Variants in SH3TC1 observed in about 807,000 individuals in gnomAD.
The protein encoded by SH3TC1 is SH3 domain and tetratricopeptide repeats 1.
A neutral mutation model predicts 117.3 loss-of-function variants in SH3TC1; 135 were observed. The observed-to-expected ratio is 1.15, with a 90% confidence interval of 1.00 to 1.33. The LOEUF is 1.33. SH3TC1 is among the 40% of genes most tolerant of loss of function. The pLI is 0.00. For missense variants in SH3TC1, 2,092 were observed against 1,794.3 expected (o/e 1.17, Z -3.00); for synonymous variants, 898 against 816.9 (o/e 1.10, Z -1.69).
At chr4:8,207,553 C>T (rs1007359128) in intron 2 of SH3TC1, among the ~76,000 whole-genome samples, 23 of 152,188 alleles carry the variant, frequency 1.5e-4, no homozygotes, top group African/African-American at 4.6e-4. Context: ...ATTAGGCAAC[C>T]CTTCTCCATT....
chr4:8,195,896 C>T (rs1322599749), upstream of SH3TC1, among the ~76,000 whole-genome samples: 1 of 152,334 alleles, frequency 6.6e-6, no homozygotes, highest in East Asian at 1.9e-4. Context: ...CAACTCCCCA[C>T]TTCTCCCCAC....
chr4:8,196,013 C>T (rs1244969519), upstream of SH3TC1, among the ~76,000 whole-genome samples: 4 of 152,208 alleles, frequency 2.6e-5, no homozygotes, highest in East Asian at 1.9e-4. The surrounding 1 kb of genome is among the most constrained non-coding windows in gnomAD (Gnocchi z 4.6). Context: ...CCAGGGACGT[C>T]GGTTCTTCCC....
chr4:8,229,930 T>C (rs1252033927), intron 12 of SH3TC1, among the ~76,000 whole-genome samples: 1 of 148,874 alleles, frequency 6.7e-6, no homozygotes, highest in Non-Finnish European at 1.5e-5. Flanking sequence ...CCACCCCGCG[T>C]TGAACAGTCG....
At position 8,183,426 on chromosome 4, in the gene SH3TC1, T is replaced by C. The variant is rs544311009; in HGVS notation, c.-57+1216T>C. ...TGTGATTAACTCACTCCCTGTACAGTAGAGGGAGGCGTGGCCCAGGGAGGC... is the reference window on the plus strand; with the variant it reads ...TGTGATTAACTCACTCCCTGTACAGCAGAGGGAGGCGTGGCCCAGGGAGGC... On this transcript the variant is annotated intron_variant, in intron 1 of 16. Coordinates refer to the SH3TC1 transcript ENST00000508641. This position sits in a 1 kb window ranked among gnomAD's most constrained non-coding sequence, Gnocchi z 5.4. Among the ~76,000 whole-genome samples, 1 of 151,888 alleles carries C rather than the reference T, an allele frequency of 6.6e-6. No individual in the cohort carries two copies. The highest frequency in any genetic ancestry group is 1.9e-4 in the East Asian group (1 of 5,134).
In SH3TC1 at chr4:8,235,593, G is replaced by C. The variant is rs200192489; in HGVS notation, c.3405+38G>C. 5.9e-5 allele frequency: 90 copies of C among 1,530,816 alleles called. No individual in the cohort carries two copies. The East Asian group carries it at 1.1e-3, about 19-fold the overall frequency. The allele number at this position is 1,530,816 out of a possible 1,614,324, so 94.8% of individuals were successfully genotyped here. ...GTGGGCTGATGTGGGTGGGCCCCAG[G>C]GGGGGCACCTTGAGGGCTGAGGCAC... On this transcript the variant is annotated intron_variant, in intron 15 of 17. Coordinates refer to ENST00000245105, the MANE Select transcript of SH3TC1 (RefSeq NM_018986.5).
chr4:8,232,742 C>A, intron 13 of SH3TC1: 28 of 1,289,878 alleles, frequency 2.2e-5, no homozygotes, highest in Non-Finnish European at 2.8e-5. Context: ...ACCCCTTCGA[C>A]TCACCAAGAG....
In SH3TC1 at chr4:8,218,360, A is replaced by G. The variant is rs949253462; in HGVS notation, c.916+13A>G. The stretch of plus-strand genomic sequence containing the variant: ...AACCCGCTGATGGGTAAGTGTTTCC[A>G]TGGGCCTCTCTTTTTTGGGGAAATG... On this transcript the variant is annotated intron_variant, in intron 8 of 17. Transcript: ENST00000245105. 1 of 1,599,262 alleles carries G rather than the reference A, an allele frequency of 6.3e-7. No individual in the cohort carries two copies. The highest frequency in any genetic ancestry group is 1.7e-5 in the Admixed American group (1 of 59,158).
chr4:8,198,737 T>C (rs758222418), upstream of SH3TC1, among the ~76,000 whole-genome samples: 1 of 152,188 alleles, frequency 6.6e-6, no homozygotes, highest in Non-Finnish European at 1.5e-5. Flanking sequence ...TCTCTTCCCC[T>C]AAATGTTCCC....
rs145120083 is a variant in SH3TC1, at chr4:8,228,322, G to A, written c.2628G>A (p.Thr876=). 4.4e-4 allele frequency: 704 copies of A among 1,612,036 alleles called. 6 individuals carry two copies. The African/African-American group carries it at 6.9e-3, about 16-fold the overall frequency. Reference sequence around the variant, plus strand: ...TGGTGGCCGTGGCTCTGAAGAGGACGGGCCGGACGAGGCAGGCAGCTGAGA... The same window carrying A: ...TGGTGGCCGTGGCTCTGAAGAGGACAGGCCGGACGAGGCAGGCAGCTGAGA... ...ANMVAVALKR[T]GRTRQAAESY... Residue 876 remains threonine (T), a synonymous_variant, in exon 12 of 18, where the codon ACG becomes ACA. Coordinates refer to ENST00000245105, the MANE Select transcript of SH3TC1 (RefSeq NM_018986.5).
chr4:8,212,706 A>G lies in SH3TC1; in HGVS notation c.253A>G (p.Thr85Ala). The G allele has an allele frequency of 1.2e-6, 2 of 1,612,726 alleles. No individual in the cohort carries two copies. The highest frequency in any genetic ancestry group is 2.2e-5 in the East Asian group (1 of 44,858). The change falls in exon 4 of 18, where the codon ACC becomes GCC. Residue 85 changes from threonine to alanine, a missense_variant. Transcript: ENST00000245105. Reference protein sequence around the residue: ...CQMGVYPTDLTLQLLAVRRKS... With the variant: ...CQMGVYPTDLALQLLAVRRKS... ...ACCTCCGTCTGCCCCTCCAGACCTG[A>G]CCCTGCAGCTGCTGGCTGTGCGGAG...
chr4:8,228,418 C>A lies in SH3TC1; in HGVS notation c.2724C>A (p.Asn908Lys), dbSNP rs1036330784. Reference sequence around the variant, plus strand: ...GGAACCAGGCAGTGGGGCTGGCCAACTTCGGGGCCCTGTGCCTGCATGCGG... The same window carrying A: ...GGAACCAGGCAGTGGGGCTGGCCAAATTCGGGGCCCTGTGCCTGCATGCGG... ...QQRNQAVGLANFGALCLHAGA... is the reference protein window; with the variant it reads ...QQRNQAVGLAKFGALCLHAGA... The change falls in exon 12 of 18, where the codon AAC (asparagine) becomes AAA (lysine). Residue 908 changes from asparagine to lysine, a missense_variant. By Grantham distance (94) the Asn-to-Lys change is moderately conservative. Transcript: ENST00000245105. The A allele has an allele frequency of 1.2e-6, 2 of 1,606,152 alleles. No homozygotes were observed. The highest frequency in any genetic ancestry group is 8.5e-7 in the Non-Finnish European group (1 of 1,176,076).
At chr4:8,237,249 G>C (rs1721901896) in intron 16 of SH3TC1, 1 of 474,142 alleles carries the variant, frequency 2.1e-6, no homozygotes, top group Non-Finnish European at 3.7e-6. Context: ...TAGGCACAGA[G>C]CTGGGCCATC....
intron 14 of SH3TC1, 79 bp from the exon 15 acceptor site, chr4:8,235,354 T>C (rs1165667100): frequency 1.4e-6 from 2 of 1,397,796 alleles, no homozygotes; most frequent in Admixed American, 2.6e-5. Context: ...GGAAGGAGGC[T>C]GGGCGGGGGA....
chr4:8,215,287 C>T (rs879422158), intron 5 of SH3TC1: 35 of 455,162 alleles, frequency 7.7e-5, no homozygotes, highest in Non-Finnish European at 1.5e-4. Flanking sequence ...GGAGGAATTC[C>T]AGGCTCTAAC....
rs750180105 is a variant in SH3TC1, at chr4:8,240,786, C to T, written c.3842C>T (p.Thr1281Met). ...GNKKAQLKIY[T>M]RLATIYHNFL... ...AAGAAGGCACAGCTGAAGATCTACACGCGGCTGGCCACCATCTACCACAAC... is the reference window on the plus strand; with the variant it reads ...AAGAAGGCACAGCTGAAGATCTACATGCGGCTGGCCACCATCTACCACAAC... The change falls in exon 18 of 18, where the codon ACG becomes ATG. Residue 1281 changes from threonine to methionine, a missense_variant. Physicochemically the swap from Thr to Met is moderately conservative, Grantham distance 81. Transcript: ENST00000245105. 1.5e-5 allele frequency: 24 copies of T among 1,614,018 alleles called. No homozygotes were observed. The highest frequency in any genetic ancestry group is 4.5e-5 in the East Asian group (2 of 44,892).
chr4:8,208,235 A>C (rs1226073125), intron 2 of SH3TC1, among the ~76,000 whole-genome samples: 1 of 152,194 alleles, frequency 6.6e-6, no homozygotes, highest in African/African-American at 2.4e-5. Flanking sequence ...CTTTAGCTCA[A>C]AATCCGAGCA....
chr4:8,198,611 G>A (rs962295140), upstream of SH3TC1, among the ~76,000 whole-genome samples: 2 of 152,242 alleles, frequency 1.3e-5, no homozygotes, highest in African/African-American at 4.8e-5. Context: ...TGGCTGGGAA[G>A]GTTTCTGCTC....
At position 8,237,613 on chromosome 4, in the gene SH3TC1, C is replaced by A; in HGVS notation, c.3696C>A (p.Thr1232=). ...CNSPLEFDEE[T]LYYVKVYLVL... is the part of the protein sequence containing the mutation. The stretch of plus-strand genomic sequence containing the variant: ...CGCCGCTGGAGTTTGACGAGGAGAC[C>A]CTCTACTACGTGAAGGTGTACCTGG... The change falls in exon 17 of 18, where the codon ACC becomes ACA. Residue 1232 remains threonine, a synonymous_variant. Coordinates refer to ENST00000245105, the MANE Select transcript of SH3TC1 (RefSeq NM_018986.5). The A allele has an allele frequency of 6.2e-7, 1 of 1,612,462 alleles. No homozygotes were observed.
chr4:8,223,254 C>T (rs564064085), intron 10 of SH3TC1, among the ~76,000 whole-genome samples: 7 of 152,220 alleles, frequency 4.6e-5, no homozygotes, highest in South Asian at 2.1e-4. Flanking sequence ...AGACGCTGGG[C>T]GAGGGAGAGG....
Sources: allele counts gnomAD v4.1 joint callset (sites outside exome capture counted in the v4.1 genomes callset), GRCh38; gene constraint gnomAD v4.1.1; non-coding constraint Gnocchi (gnomAD v3.1); transcripts MANE v1.5; gene names NCBI Gene and HGNC (gene_info 2026-07-23, HGNC 2026-07-21).